The following RCC1 variants were observed in gnomAD, a reference collection of about 807,000 sequenced individuals.
The protein encoded by RCC1 is regulator of chromosome condensation.
In RCC1, 11 loss-of-function variants were observed where a neutral mutation model predicts 44.4. That is an observed-to-expected ratio of 0.25 (90% confidence interval 0.16 to 0.41). RCC1 has a LOEUF of 0.41. Ranked by LOEUF, RCC1 falls within the 10% of genes least tolerant of loss-of-function variation. The pLI is 1.00. For missense variants in RCC1, 386 were observed against 547.1 expected (o/e 0.71, Z 2.94); for synonymous variants, 213 against 216.5 (o/e 0.98, Z 0.14).
chr1:28,509,000 GT>G (rs1414352252), intron 3 of RCC1, 95 bp downstream of exon 3: 1 of 425,928 alleles, frequency 2.3e-6, no homozygotes, highest in Non-Finnish European at 4.7e-6. Context: ...CCTTTTGAGA[GT>G]CTTGCTCTGT....
At chr1:28,530,442 G>A (rs1664056722) in intron 5 of RCC1, 1 of 1,319,404 alleles carries the variant, frequency 7.6e-7, no homozygotes, top group East Asian at 2.4e-5. Flanking sequence ...CCCCGGAGGG[G>A]GACAGGGAGG....
intron 4 of RCC1, among the ~76,000 whole-genome samples, chr1:28,523,416 T>G (rs1663427973): frequency 1.3e-5 from 2 of 152,150 alleles, no homozygotes; most frequent in South Asian, 4.1e-4. Context: ...GTGAGATACT[T>G]CACCTTTCTG....
chr1:28,529,954 G>A lies in RCC1; in HGVS notation c.73+15G>A. 1 of 1,608,996 alleles carries A rather than the reference G, an allele frequency of 6.2e-7. No individual in the cohort carries two copies. The highest frequency in any genetic ancestry group is 8.5e-7 in the Non-Finnish European group (1 of 1,176,076). On this transcript the variant is annotated intron_variant, in intron 5 of 12. Transcript: ENST00000683442. ...GAAGGTGAAGGGTAAGTTGGCCTTG[G>A]CCTCTTTGTGGGTACAGGTGGCCCC...
intron 4 of RCC1, among the ~76,000 whole-genome samples, chr1:28,517,783 C>T (rs1282000386): frequency 1.3e-5 from 2 of 152,066 alleles, no homozygotes; most frequent in East Asian, 1.9e-4. Flanking sequence ...TCATTGCAAA[C>T]GTCGCTTCTC....
At position 28,508,925 on chromosome 1, in the gene RCC1, T is replaced by A. The variant is rs75047327; in HGVS notation, c.-153+20T>A. ...GAGTAGGTAAACTGATTTTTTTTTT[T>A]AACAGGGAGGGTTTGACAATCTTTG... On this transcript the variant is annotated intron_variant, in intron 3 of 12. Transcript: ENST00000683442. The A allele has an allele frequency of 2.4e-5, 12 of 502,346 alleles. No individual in the cohort carries two copies. Among genetic ancestry groups the A allele is most frequent in the African/African-American group, 2.2e-4 (11 of 50,622 alleles). 31.1% of individuals were successfully genotyped at this position (502,346 alleles called of 1,614,324 possible).
At chr1:28,523,334 T>C (rs1362845175) in intron 4 of RCC1, among the ~76,000 whole-genome samples, 1 of 152,088 alleles carries the variant, frequency 6.6e-6, no homozygotes, top group Non-Finnish European at 1.5e-5. Flanking sequence ...AAATTTCTAA[T>C]AACACTCAAG....
chr1:28,521,326 C>T (rs1400231065), intron 4 of RCC1, among the ~76,000 whole-genome samples: 5 of 151,712 alleles, frequency 3.3e-5, no homozygotes, highest in Non-Finnish European at 5.9e-5. Context: ...ACGGTGAAAC[C>T]CCGTCTCTAC....
rs201953195 is a variant in RCC1, at chr1:28,536,412, G to T, written c.937+31G>T. 2.1e-5 allele frequency: 34 copies of T among 1,606,990 alleles called. No individual in the cohort carries two copies. In the African/African-American group the frequency reaches 4.3e-4, roughly 20 times the overall value. On this transcript the variant is annotated intron_variant, in intron 11 of 12. Transcript: ENST00000683442. The surrounding 1 kb of genome is among the most constrained non-coding windows in gnomAD (Gnocchi z 4.9). ...GCCTTTACGTCCTTCTCTAGTTTGG[G>T]GGTGGAGTGTTCCCTGGCCTAGGCC...
Position 28,506,083 on chromosome 1 carries a change from TG to T in RCC1, c.-262+1del, listed in dbSNP as rs1364476586. Reference sequence around the variant, plus strand: ...ATTCGCAGTGGTCGCTTCTTCTCCTTGGTAAGTGTGATCCTTGGTAAGTGTG... The same window carrying T: ...ATTCGCAGTGGTCGCTTCTTCTCCTTGTAAGTGTGATCCTTGGTAAGTGTG... On this transcript the variant is annotated splice_region_variant and 5_prime_UTR_variant, in exon 1 of 13. Transcript: ENST00000683442. The T allele has an allele frequency of 2.2e-6, 1 of 455,460 alleles. No individual in the cohort carries two copies. Among genetic ancestry groups the T allele is most frequent in the African/African-American group, 2.0e-5 (1 of 49,678 alleles). The allele number at this position is 455,460 out of a possible 1,614,324, so 28.2% of individuals were successfully genotyped here.
chr1:28,525,105 T>G (rs1663558062), intron 4 of RCC1, among the ~76,000 whole-genome samples: 1 of 151,936 alleles, frequency 6.6e-6, no homozygotes, highest in Admixed American at 6.6e-5. Flanking sequence ...GAAGAGGTCG[T>G]GATTGATTGA....
chr1:28,528,560 G>A (rs1428548472), intron 4 of RCC1, among the ~76,000 whole-genome samples: 2 of 152,148 alleles, frequency 1.3e-5, no homozygotes, highest in Admixed American at 1.3e-4. Context: ...CCCGGGAGGT[G>A]GAGGTTGCAG....
intron 7 of RCC1, chr1:28,532,786 A>T: frequency 2.2e-6 from 1 of 447,692 alleles, no homozygotes; most frequent in Non-Finnish European, 4.4e-6. Flanking sequence ...GAAAAAACAG[A>T]TTGTGGGTTT....
chr1:28,531,057 C>T (rs1664127979), intron 5 of RCC1, among the ~76,000 whole-genome samples: 2 of 152,032 alleles, frequency 1.3e-5, no homozygotes, highest in Admixed American at 6.6e-5. Flanking sequence ...GGTGAAACCC[C>T]GTCTCTACTA....
chr1:28,515,102 AC>A (rs993125388), intron 3 of RCC1, among the ~76,000 whole-genome samples: 1 of 152,106 alleles, frequency 6.6e-6, no homozygotes, highest in Non-Finnish European at 1.5e-5. Context: ...ACATAGTGAA[AC>A]CCTGTCTCTA....
At chr1:28,527,401 G>A (rs139039634) in intron 4 of RCC1, among the ~76,000 whole-genome samples, 14 of 152,226 alleles carry the variant, frequency 9.2e-5, no homozygotes, top group African/African-American at 2.9e-4. Context: ...CACCATGCCC[G>A]GCTAATTTTT....
chr1:28,514,669 G>A (rs1662779498), intron 3 of RCC1, among the ~76,000 whole-genome samples: 1 of 151,874 alleles, frequency 6.6e-6, no homozygotes, highest in Admixed American at 6.6e-5. Context: ...GCTGAGGCAG[G>A]AGAATTGCTT....
chr1:28,538,224 G>T lies in RCC1; in HGVS notation c.*217G>T. 2 of 468,188 alleles carry T rather than the reference G, an allele frequency of 4.3e-6. No individual in the cohort carries two copies. The highest frequency in any genetic ancestry group is 3.5e-5 in the South Asian group (1 of 28,726). 29.0% of individuals were successfully genotyped at this position (468,188 alleles called of 1,614,324 possible). ...CAGAATAAAGGGGGGGATGGACAGG[G>T]GGTTTTCAAAAGGAACATGGCTCAC... On this transcript the variant is annotated 3_prime_UTR_variant, in exon 13 of 13. Transcript: ENST00000683442.
In RCC1 at chr1:28,529,944, G is replaced by A; in HGVS notation, c.73+5G>A. On this transcript the variant is annotated splice_donor_5th_base_variant and intron_variant, in intron 5 of 12. Transcript: ENST00000683442. ...CCAAAAGCAAGAAGGTGAAGGGTAA[G>A]TTGGCCTTGGCCTCTTTGTGGGTAC... 1 of 1,613,086 alleles carries A rather than the reference G, an allele frequency of 6.2e-7. No homozygotes were observed. Among genetic ancestry groups the A allele is most frequent in the South Asian group, 1.1e-5 (1 of 90,936 alleles).
At position 28,531,831 on chromosome 1, in the gene RCC1, C is replaced by T. The variant is rs142351499; in HGVS notation, c.102C>T (p.Pro34=). The change falls in exon 6 of 13, where the codon CCC becomes CCT. Residue 34 remains proline, a synonymous_variant. Coordinates refer to ENST00000683442, the MANE Select transcript of RCC1 (RefSeq NM_001381865.2). The part of the protein sequence containing the change: ...KVSHRSHSTE[P]GLVLTLGQGD... ...CACACAGGTCCCACAGCACAGAACC[C>T]GGCTTGGTGCTGACACTAGGCCAGG... 19 of 1,564,126 alleles carry T rather than the reference C, an allele frequency of 1.2e-5. No homozygotes were observed. The highest frequency in any genetic ancestry group is 2.5e-5 in the South Asian group (2 of 81,284).
Sources: gnomAD v4.1 joint callset for allele counts (sites outside exome capture counted in the v4.1 genomes callset) on GRCh38, gnomAD v4.1.1 for gene constraint, Gnocchi (gnomAD v3.1) non-coding constraint, MANE v1.5 for transcripts, NCBI Gene and HGNC (gene_info 2026-07-23, HGNC 2026-07-21) for gene names.